The following CTNNA2 variants were observed in gnomAD, a reference collection of about 807,000 sequenced individuals.
CTNNA2 encodes catenin alpha 2.
CTNNA2 carries 42 observed loss-of-function variants against 101.0 expected under a neutral mutation model. The observed-to-expected ratio is 0.42, with a 90% CI of 0.32 to 0.54. The LOEUF (loss-of-function observed/expected upper bound fraction) is 0.54, where lower values mean the gene tolerates loss of function less well. CTNNA2 is among the 20% of genes least tolerant of loss of function. The probability of loss-of-function intolerance (pLI) is 0.14; values close to 1 mark genes in which losing one functional copy is unlikely to be tolerated. For synonymous variants in CTNNA2, 450 were observed against 456.4 expected (o/e 0.99, Z 0.18); for missense variants, 871 against 1,223.1 (o/e 0.71, Z 4.29).
chr2:80,319,429 A>T (rs958383048), intron 7 of CTNNA2, among the ~76,000 whole-genome samples: 2 of 152,216 alleles, frequency 1.3e-5, no homozygotes, highest in Non-Finnish European at 2.9e-5. Context: ...TCATTACATA[A>T]TATGGCGAAC....
chr2:79,285,953 A>T (rs1368932744), intron 2 of CTNNA2, among the ~76,000 whole-genome samples: 1 of 148,056 alleles, frequency 6.8e-6, no homozygotes, highest in Non-Finnish European at 1.5e-5. Context: ...TTGGGTGCAT[A>T]TATATTTAGG....
chr2:79,714,236 G>A (rs758597024), intron 2 of CTNNA2, among the ~76,000 whole-genome samples: 7 of 151,896 alleles, frequency 4.6e-5, no homozygotes, highest in Non-Finnish European at 7.4e-5. Flanking sequence ...CACAATGACG[G>A]GCACATAATT....
chr2:79,412,693 C>T (rs979317905), intron 4 of CTNNA2, among the ~76,000 whole-genome samples: 1 of 151,966 alleles, frequency 6.6e-6, no homozygotes, highest in African/African-American at 2.4e-5. Flanking sequence ...TTCTTTGAAG[C>T]CAACGAGAAC....
At chr2:79,723,758 C>A (rs1686637138) in intron 2 of CTNNA2, among the ~76,000 whole-genome samples, 1 of 152,174 alleles carries the variant, frequency 6.6e-6, no homozygotes, top group African/African-American at 2.4e-5. Flanking sequence ...TCCCCACCCC[C>A]CGCTCTAATG....
chr2:79,341,758 T>A (rs1006366149), intron 3 of CTNNA2, among the ~76,000 whole-genome samples: 2 of 152,222 alleles, frequency 1.3e-5, no homozygotes, highest in Non-Finnish European at 2.9e-5. Context: ...TCTCCCATAA[T>A]AACCCATTGA....
chr2:79,842,713 T>A (rs1679919543), intron 3 of CTNNA2, among the ~76,000 whole-genome samples: 1 of 151,944 alleles, frequency 6.6e-6, no homozygotes, highest in South Asian at 2.1e-4. Context: ...TGTGTTTTTT[T>A]TTTTAAATCT....
chr2:79,551,078 GTTTT>G (rs1349181575), intron 1 of CTNNA2, among the ~76,000 whole-genome samples: 1 of 152,172 alleles, frequency 6.6e-6, no homozygotes, highest in East Asian at 1.9e-4. Context: ...AGCTGTGTCT[GTTTT>G]AATATTTTCT....
intron 1 of CTNNA2, among the ~76,000 whole-genome samples, chr2:79,630,687 C>T (rs577798080): frequency 6.6e-6 from 1 of 152,200 alleles, no homozygotes; most frequent in Admixed American, 6.5e-5. Context: ...TGTGTAATTC[C>T]AAGTCTTGCT....
intron 9 of CTNNA2, among the ~76,000 whole-genome samples, chr2:80,444,973 C>T (rs1257745512): frequency 3.9e-5 from 6 of 152,038 alleles, no homozygotes; most frequent in African/African-American, 9.7e-5. Context: ...TTATGACAAC[C>T]AAAAATATAT....
At chr2:80,541,198 C>A (rs1396737636) in intron 9 of CTNNA2, among the ~76,000 whole-genome samples, 1 of 152,166 alleles carries the variant, frequency 6.6e-6, no homozygotes, top group African/African-American at 2.4e-5. Context: ...ATATGTAAGC[C>A]TGCCTCTGAA....
In CTNNA2 at chr2:80,544,898, C is replaced by A. The variant is rs1558570642; in HGVS notation, c.1291-84C>A. On this transcript the variant is annotated intron_variant, in intron 9 of 18. Transcript: ENST00000402739. ...GAAAGAATTCTCCTGGAAGAGACAT[C>A]TGCCAGAGAAGGTCCAAGGCGGAGC... 10 of 1,142,312 alleles carry A rather than the reference C, an allele frequency of 8.8e-6. No homozygotes were observed. In the East Asian group the frequency reaches 2.0e-4, roughly 23 times the overall value. The allele number at this position is 1,142,312 out of a possible 1,614,324, so 70.8% of individuals were successfully genotyped here. A position where few individuals can be genotyped will look rare whatever the true frequency, so the allele number is the denominator to read the frequency against.
intron 7 of CTNNA2, among the ~76,000 whole-genome samples, chr2:80,383,225 A>G (rs1012306087): frequency 6.6e-6 from 1 of 152,210 alleles, no homozygotes; most frequent in Non-Finnish European, 1.5e-5. Context: ...CACAGGTGCC[A>G]ACTACTTCCT....
At chr2:80,231,020 G>A (rs899366480) in intron 7 of CTNNA2, among the ~76,000 whole-genome samples, 2 of 151,982 alleles carry the variant, frequency 1.3e-5, no homozygotes, top group African/African-American at 4.8e-5. Context: ...CGTCCAGGCT[G>A]GAGTGCAGTG....
chr2:80,259,080 G>T (rs763847069), intron 7 of CTNNA2, among the ~76,000 whole-genome samples: 3 of 152,064 alleles, frequency 2.0e-5, no homozygotes, highest in Non-Finnish European at 4.4e-5. Context: ...TATGTTGTTC[G>T]TTCCAGGAGT....
intron 1 of CTNNA2, among the ~76,000 whole-genome samples, chr2:79,520,265 T>C (rs1394885051): frequency 1.3e-5 from 2 of 152,226 alleles, no homozygotes; most frequent in South Asian, 2.1e-4. Flanking sequence ...ACTGATCTGC[T>C]CTCTGTCACT....
intron 2 of CTNNA2, among the ~76,000 whole-genome samples, chr2:79,702,963 T>G (rs560488419): frequency 6.6e-6 from 1 of 152,276 alleles, no homozygotes; most frequent in Admixed American, 6.5e-5. Context: ...GAGAGGCCAG[T>G]GGGTATTACT....
At chr2:79,424,630 A>T (rs1037754125) in intron 4 of CTNNA2, among the ~76,000 whole-genome samples, 6 of 152,096 alleles carry the variant, frequency 3.9e-5, no homozygotes, top group Admixed American at 3.9e-4. Flanking sequence ...TCTGAGCAAC[A>T]TTTCTGGAGG....
At chr2:80,217,512 G>A (rs1708341319) in intron 7 of CTNNA2, among the ~76,000 whole-genome samples, 1 of 151,956 alleles carries the variant, frequency 6.6e-6, no homozygotes, top group Non-Finnish European at 1.5e-5. Flanking sequence ...CTCAGGGTCT[G>A]ACCCATTGAG....
At chr2:80,610,592 A>G (rs113570548) in intron 17 of CTNNA2, among the ~76,000 whole-genome samples, 1,959 of 151,802 alleles carry the variant, frequency 0.013, 44 homozygotes, top group African/African-American at 0.043. Flanking sequence ...GGAAAGTTAC[A>G]TTTGTTAGAA....
Sources: gnomAD v4.1 joint callset for allele counts (sites outside exome capture counted in the v4.1 genomes callset) on GRCh38, gnomAD v4.1.1 for gene constraint, MANE v1.5 for transcripts, NCBI Gene and HGNC (gene_info 2026-07-23, HGNC 2026-07-21) for gene names.